GAB2: variants seen among roughly 807,000 people sequenced by gnomAD.
GAB2 encodes GRB2 associated binding protein 2.
In GAB2, 26 loss-of-function variants were observed where a neutral mutation model predicts 65.5. The observed-to-expected ratio is 0.40, with a 90% CI of 0.29 to 0.55. The LOEUF (loss-of-function observed/expected upper bound fraction) is 0.55, where lower values mean the gene tolerates loss of function less well. GAB2 is among the 20% of genes least tolerant of loss of function. The pLI, the probability that GAB2 is intolerant of heterozygous loss-of-function variation, is 0.53. For synonymous variants in GAB2, 321 were observed against 329.6 expected (o/e 0.97, Z 0.28); for missense variants, 884 against 875.8 (o/e 1.01, Z -0.12).
chr11:78,409,414 G>A (rs1424297063), intron 1 of GAB2, among the ~76,000 whole-genome samples: 1 of 152,066 alleles, frequency 6.6e-6, no homozygotes, highest in African/African-American at 2.4e-5. Flanking sequence ...GAGAAACCCT[G>A]TCTCTATTAA....
At chr11:78,326,062 G>C (rs924302070) in intron 1 of GAB2, among the ~76,000 whole-genome samples, 66 of 152,210 alleles carry the variant, frequency 4.3e-4, no homozygotes, top group Non-Finnish European at 7.4e-5. Flanking sequence ...GATATTTTAT[G>C]GATATGAGAG....
At chr11:78,373,238 C>CTTT (rs535640025) in intron 1 of GAB2, among the ~76,000 whole-genome samples, 3 of 136,120 alleles carry the variant, frequency 2.2e-5, no homozygotes, top group East Asian at 2.1e-4. Flanking sequence ...ATTATAATGA[C>CTTT]TTTTTTTTTT....
chr11:78,336,862 C>T (rs561718813), intron 1 of GAB2, among the ~76,000 whole-genome samples: 1 of 152,156 alleles, frequency 6.6e-6, no homozygotes, highest in African/African-American at 2.4e-5. Context: ...ACAAAATAAA[C>T]CAAAGAATTG....
intron 1 of GAB2, chr11:78,341,795 C>T: frequency 1.0e-6 from 1 of 986,254 alleles, no homozygotes; most frequent in Non-Finnish European, 1.2e-6. Context: ...AATTCCCTCA[C>T]TTGTCTCTCT....
chr11:78,353,189 C>G (rs1226022839), intron 1 of GAB2, among the ~76,000 whole-genome samples: 3 of 152,090 alleles, frequency 2.0e-5, no homozygotes, highest in Non-Finnish European at 4.4e-5. Context: ...ACCTGTAATC[C>G]CAGCACTTTG....
At chr11:78,341,847 G>T in intron 1 of GAB2, 1 of 985,126 alleles carries the variant, frequency 1.0e-6, no homozygotes, top group Non-Finnish European at 1.2e-6. Context: ...CTCTCTTCAG[G>T]GATCTTCTTC....
At chr11:78,330,477 A>T (rs1048252521) in intron 1 of GAB2, among the ~76,000 whole-genome samples, 8 of 152,188 alleles carry the variant, frequency 5.3e-5, no homozygotes, top group African/African-American at 1.9e-4. Flanking sequence ...TAGGGGCTGG[A>T]ATCAAGAAAT....
rs760102015 is a variant in GAB2, at chr11:78,225,213, A to C, written c.1208-11T>G. On this transcript the variant is annotated splice_polypyrimidine_tract_variant and intron_variant, in intron 4 of 9. Coordinates refer to ENST00000361507, the MANE Select transcript of GAB2 (RefSeq NM_080491.3). ...TCTCACAGGAAGAAGCTGACAGAGGAAGGAGGATTCATAAGTACTCATGGT... is the reference window on the plus strand; with the variant it reads ...TCTCACAGGAAGAAGCTGACAGAGGCAGGAGGATTCATAAGTACTCATGGT... The C allele has an allele frequency of 3.2e-6, 5 of 1,576,128 alleles. No homozygotes were observed. Among genetic ancestry groups the C allele is most frequent in the Non-Finnish European group, 4.4e-6 (5 of 1,145,578 alleles).
At position 78,318,369 on chromosome 11, in the gene GAB2, C is replaced by CAAAA. The variant is rs11272998; in HGVS notation, c.76-37472_76-37469dup. 40 of 47,658 alleles carry CAAAA rather than the reference C, an allele frequency of 8.4e-4. 7 individuals are homozygous for CAAAA. The highest frequency in any genetic ancestry group is 1.4e-3 in the Non-Finnish European group (34 of 24,746). The allele number at this position is 47,658 out of a possible 1,614,324, so 3.0% of individuals were successfully genotyped here. ...ATTTTGGGATCTGATTGTTAAATGC[C>CAAAA]AAAAAAAAAAAAAAAAAGCTGTGAA... On this transcript the variant is annotated intron_variant, in intron 1 of 9. Transcript: ENST00000361507.
chr11:78,303,829 G>A (rs947430908), intron 1 of GAB2, among the ~76,000 whole-genome samples: 1 of 152,126 alleles, frequency 6.6e-6, no homozygotes, highest in African/African-American at 2.4e-5. Context: ...TACCTCTCCC[G>A]TTGGCAAAGC....
At chr11:78,294,913 T>C (rs1866784212) in intron 1 of GAB2, among the ~76,000 whole-genome samples, 1 of 149,036 alleles carries the variant, frequency 6.7e-6, no homozygotes, top group Admixed American at 6.6e-5. Flanking sequence ...CTAAAGAGCT[T>C]CTGTACAGCA....
At chr11:78,398,359 T>G (rs1223373400) in intron 1 of GAB2, among the ~76,000 whole-genome samples, 1 of 152,206 alleles carries the variant, frequency 6.6e-6, no homozygotes, top group Non-Finnish European at 1.5e-5. Flanking sequence ...AGTGAATAAC[T>G]GGAAGTAACA....
intron 1 of GAB2, among the ~76,000 whole-genome samples, chr11:78,417,210 T>A (rs527699767): frequency 6.6e-6 from 1 of 152,088 alleles, no homozygotes; most frequent in South Asian, 2.1e-4. Context: ...GCTCGCCCTT[T>A]GTGGGGCCGT....
chr11:78,311,874 G>C (rs1855506154), intron 1 of GAB2, among the ~76,000 whole-genome samples: 1 of 152,178 alleles, frequency 6.6e-6, no homozygotes, highest in Non-Finnish European at 1.5e-5. Context: ...GTCATACAGA[G>C]GCCAGAGCCC....
intron 1 of GAB2, among the ~76,000 whole-genome samples, chr11:78,294,446 G>A (rs945496553): frequency 6.6e-6 from 1 of 152,132 alleles, no homozygotes; most frequent in Admixed American, 6.5e-5. Flanking sequence ...TGGGATTGCT[G>A]GGTCAAATGG....
chr11:78,228,553 TAC>T, intron 3 of GAB2, among the ~76,000 whole-genome samples: 1 of 152,342 alleles, frequency 6.6e-6, no homozygotes, highest in East Asian at 1.9e-4. Flanking sequence ...GTTTGTTATT[TAC>T]AGATGTGGCC....
chr11:78,410,727 AC>A (rs1232404609), intron 1 of GAB2, among the ~76,000 whole-genome samples: 2 of 152,208 alleles, frequency 1.3e-5, no homozygotes, highest in African/African-American at 4.8e-5. Context: ...AATTTGAAGA[AC>A]CCCGTATCTA....
At chr11:78,392,707 C>T (rs1856849814) in intron 1 of GAB2, among the ~76,000 whole-genome samples, 1 of 152,188 alleles carries the variant, frequency 6.6e-6, no homozygotes, top group African/African-American at 2.4e-5. Flanking sequence ...CTTCATCCCT[C>T]TCCATCCACA....
chr11:78,235,042 G>C (rs1439621185), intron 3 of GAB2, among the ~76,000 whole-genome samples: 1 of 152,082 alleles, frequency 6.6e-6, no homozygotes, highest in Non-Finnish European at 1.5e-5. Context: ...TGCCATGAAG[G>C]TCTCTGATGT....
Sources: gnomAD v4.1 joint callset for allele counts (sites outside exome capture counted in the v4.1 genomes callset) on GRCh38, gnomAD v4.1.1 for gene constraint, MANE v1.5 for transcripts, NCBI Gene and HGNC (gene_info 2026-07-23, HGNC 2026-07-21) for gene names.